The following MAPT variants were observed in gnomAD, a reference collection of about 807,000 sequenced individuals.
MAPT encodes microtubule associated protein tau, also known as microtubule-associated protein tau.
MAPT carries 34 observed loss-of-function variants against 67.9 expected under a neutral mutation model. That is an observed-to-expected ratio of 0.50 (90% CI 0.38 to 0.67). The LOEUF is 0.67. MAPT is among the 30% of genes least tolerant of loss of function. The pLI, the probability that MAPT is intolerant of heterozygous loss-of-function variation, is 0.00. For synonymous variants in MAPT, 456 were observed against 464.5 expected (o/e 0.98, Z 0.23); for missense variants, 881 against 1,115.2 (o/e 0.79, Z 2.99).
chr17:46,012,933 C>T (rs969548292), intron 10 of MAPT, among the ~76,000 whole-genome samples: 3 of 152,158 alleles, frequency 2.0e-5, no homozygotes, highest in African/African-American at 4.8e-5. Flanking sequence ...TGTCCCCCAA[C>T]GTCCTTGCCA....
chr17:45,925,936 C>T lies in MAPT; in HGVS notation c.-18+31250C>T, dbSNP rs184226702. ...AGCTGAAAAGTGTTTTTAGGTCAGGCGAGGTGGCTCACACCTGTAATAGCA... is the reference window on the plus strand; with the variant it reads ...AGCTGAAAAGTGTTTTTAGGTCAGGTGAGGTGGCTCACACCTGTAATAGCA... On this transcript the variant is annotated intron_variant, in intron 1 of 12. Transcript: ENST00000262410. Among the ~76,000 whole-genome samples the T allele has an allele frequency of 2.4e-4, 37 of 152,168 alleles. 1 individual carries two copies. The highest frequency in any genetic ancestry group is 1.8e-3 in the Admixed American group (27 of 15,282).
intron 1 of MAPT, chr17:45,907,885 G>C (rs1315870000): frequency 2.0e-5 from 3 of 152,254 alleles, no homozygotes; most frequent in Non-Finnish European, 4.4e-5. Context: ...GAGACTCAGA[G>C]ATTTCACAGC....
chr17:45,981,083 G>A lies in MAPT; in HGVS notation c.287-1783G>A, dbSNP rs578262090. Among the ~76,000 whole-genome samples, 3 of 152,316 alleles carry A rather than the reference G, an allele frequency of 2.0e-5. No homozygotes were observed. In the East Asian group the frequency reaches 5.8e-4, roughly 29 times the overall value. ...GGAGGTGCTGCTGCGCTCTGACCGG[G>A]CCTCTTGGGGATGAGCCCATGTCAA... On this transcript the variant is annotated intron_variant, in intron 4 of 12. Coordinates refer to ENST00000262410, the MANE Select transcript of MAPT (RefSeq NM_001377265.1).
intron 1 of MAPT, among the ~76,000 whole-genome samples, chr17:45,911,153 G>A (rs1036784922): frequency 3.3e-5 from 5 of 152,166 alleles, no homozygotes; most frequent in Non-Finnish European, 7.3e-5. Flanking sequence ...CCACAATGTT[G>A]TCTAATTCCA....
intron 3 of MAPT, chr17:45,976,805 A>G (rs1349891954): frequency 6.6e-6 from 1 of 152,374 alleles, no homozygotes; most frequent in African/African-American, 2.4e-5. Flanking sequence ...GGGCCTGGCT[A>G]TCGCAGCTCT....
chr17:45,926,731 T>C (rs892715799), intron 1 of MAPT, among the ~76,000 whole-genome samples: 1 of 152,126 alleles, frequency 6.6e-6, no homozygotes, highest in Non-Finnish European at 1.5e-5. Context: ...GACTTTTTCT[T>C]TGGAGACAGG....
At chr17:45,963,798 G>A (rs1216618672) in intron 2 of MAPT, among the ~76,000 whole-genome samples, 1 of 152,140 alleles carries the variant, frequency 6.6e-6, no homozygotes, top group South Asian at 2.1e-4. Context: ...CAGCTTTCTC[G>A]CACAGGGAGT....
chr17:45,898,662 A>G (rs1351482463), intron 1 of MAPT: 1 of 152,120 alleles, frequency 6.6e-6, no homozygotes, highest in African/African-American at 2.4e-5. Context: ...TTCCAATTGG[A>G]CATGTGATAA....
At chr17:45,920,207 G>A (rs1023884756) in intron 1 of MAPT, among the ~76,000 whole-genome samples, 1 of 152,302 alleles carries the variant, frequency 6.6e-6, no homozygotes, top group African/African-American at 2.4e-5. Context: ...TGTTTGGGGG[G>A]ATGGATTTGG....
rs1555690336 is a variant in MAPT at position 45,941,684 on chromosome 17, T to TTCCC, written c.-17-20634_-17-20633insCTCC. On this transcript the variant is annotated intron_variant, in intron 1 of 12. Transcript: ENST00000262410. The stretch of plus-strand genomic sequence containing the variant: ...CTTCCCCCCTTCCCCCCTTCCCTCC[T>TTCCC]TCCTTCCTTCCTTCCTGCCTGCCTT... Among the ~76,000 whole-genome samples the TTCCC allele has an allele frequency of 9.7e-4, 50 of 51,462 alleles. 1 individual carries two copies. The highest frequency in any genetic ancestry group is 8.9e-3 in the Middle Eastern group (1 of 112). 33.8% of individuals were successfully genotyped at this position (51,462 alleles called of 152,430 possible). A position where few individuals can be genotyped will look rare whatever the true frequency, so the allele number is the denominator to read the frequency against.
chr17:45,929,365 G>T (rs928568746), intron 1 of MAPT, among the ~76,000 whole-genome samples: 1 of 152,210 alleles, frequency 6.6e-6, no homozygotes, highest in East Asian at 1.9e-4. Flanking sequence ...GTTAGGATAT[G>T]TTTGTCTTTC....
At chr17:46,014,415 G>A in intron 11 of MAPT, 91 bp downstream of exon 11, 1 of 889,898 alleles carries the variant, frequency 1.1e-6, no homozygotes, top group Middle Eastern at 2.2e-4. Context: ...CTTCAGAAGG[G>A]GCTGGAAAGG....
At chr17:45,938,976 A>T (rs1001822458) in intron 1 of MAPT, among the ~76,000 whole-genome samples, 1 of 151,678 alleles carries the variant, frequency 6.6e-6, no homozygotes, top group African/African-American at 2.4e-5. Context: ...ACCACGCCCG[A>T]CTAATTTTTG....
chr17:45,916,096 T>C (rs1254547951), intron 1 of MAPT, among the ~76,000 whole-genome samples: 2 of 152,184 alleles, frequency 1.3e-5, no homozygotes, highest in East Asian at 3.9e-4. Flanking sequence ...TTCCCGCTTT[T>C]CAGCTCATCC....
intron 9 of MAPT, among the ~76,000 whole-genome samples, chr17:45,998,290 T>C (rs987403620): frequency 1.3e-5 from 2 of 151,858 alleles, no homozygotes; most frequent in Non-Finnish European, 2.9e-5. Context: ...GTGAGTGCAG[T>C]GTCACATCCC....
chr17:46,002,775 T>C (rs2075110756), intron 9 of MAPT, among the ~76,000 whole-genome samples: 1 of 152,064 alleles, frequency 6.6e-6, no homozygotes, highest in South Asian at 2.1e-4. Context: ...TCCTTCCCTG[T>C]GTGTATTGAT....
rs543265549 is a variant in MAPT at position 45,970,115 on chromosome 17, T to C, written c.134-1744T>C. On this transcript the variant is annotated intron_variant, in intron 2 of 12. Transcript: ENST00000262410. ...ATCCATCCATCCATCCATCCATCCA[T>C]GTAACCATCCAGTCATATATCCAAT... 2.7e-5 allele frequency among the ~76,000 whole-genome samples: 4 copies of C among 149,424 alleles called. No individual in the cohort carries two copies. In the East Asian group the frequency reaches 5.8e-4, roughly 22 times the overall value.
Position 45,989,949 on chromosome 17 carries a change from T to C in MAPT, c.1479T>C (p.Gly493=). 6.2e-7 allele frequency: 1 copy of C among 1,614,166 alleles called. No homozygotes were observed. Among genetic ancestry groups the C allele is most frequent in the Non-Finnish European group, 8.5e-7 (1 of 1,180,034 alleles). The part of the protein sequence containing the change: ...PCLSPKHPTP[G]SSDPLIQPSS... ...TTAGCCCCAAACACCCCACTCCTGG[T>C]AGCTCAGACCCTCTGATCCAACCCT... is the stretch of plus-strand genomic sequence containing the variant. Residue 493 remains glycine, a synonymous_variant, in exon 7 of 13, where the codon GGT becomes GGC. Transcript: ENST00000262410.
chr17:45,969,445 CCCATCCAT>C (rs942210716), intron 2 of MAPT: 2 of 151,818 alleles, frequency 1.3e-5, no homozygotes, highest in Admixed American at 6.6e-5. Context: ...CACCCACCCA[CCCATCCAT>C]CCATCCATCC....
Sources: gnomAD v4.1 joint callset for allele counts (sites outside exome capture counted in the v4.1 genomes callset) on GRCh38, gnomAD v4.1.1 for gene constraint, MANE v1.5 for transcripts, NCBI Gene and HGNC (gene_info 2026-07-23, HGNC 2026-07-21) for gene names.